SFRP1: variants seen among roughly 807,000 people sequenced by gnomAD.
SFRP1 encodes secreted frizzled-related protein 1.
SFRP1 carries 9 observed loss-of-function variants against 25.9 expected under a neutral mutation model. The observed-to-expected ratio is 0.35, with a 90% CI of 0.21 to 0.61. The LOEUF (loss-of-function observed/expected upper bound fraction) is 0.61, where lower values mean the gene tolerates loss of function less well. Ranked by LOEUF, SFRP1 falls within the 20% of genes least tolerant of loss-of-function variation. SFRP1 has a pLI of 0.78. For synonymous variants in SFRP1, 178 were observed against 174.0 expected (o/e 1.02, Z -0.18); for missense variants, 346 against 418.2 (o/e 0.83, Z 1.51).
At chr8:41,286,766 G>A (rs556123299) in intron 2 of SFRP1, among the ~76,000 whole-genome samples, 12 of 152,274 alleles carry the variant, frequency 7.9e-5, no homozygotes, top group East Asian at 5.8e-4. Context: ...GGATTCATAC[G>A]CTGCTGGTGA....
intron 2 of SFRP1, among the ~76,000 whole-genome samples, chr8:41,299,438 T>C (rs1346721990): frequency 6.8e-6 from 1 of 147,478 alleles, no homozygotes; most frequent in African/African-American, 2.5e-5. Context: ...GGGCATGTAG[T>C]TTTCCTTGAA....
chr8:41,267,479 G>T (rs1047923751), intron 2 of SFRP1, among the ~76,000 whole-genome samples: 1 of 152,144 alleles, frequency 6.6e-6, no homozygotes, highest in Non-Finnish European at 1.5e-5. Context: ...GATAATTTGC[G>T]TATCTTCTGA....
intron 2 of SFRP1, among the ~76,000 whole-genome samples, chr8:41,287,370 T>C (rs534909727): frequency 1.3e-5 from 2 of 152,330 alleles, no homozygotes; most frequent in East Asian, 1.9e-4. Context: ...TCGGCCACCA[T>C]GGCCGAAGCG....
chr8:41,295,730 G>A (rs1803836114), intron 2 of SFRP1, among the ~76,000 whole-genome samples: 2 of 149,616 alleles, frequency 1.3e-5, no homozygotes, highest in African/African-American at 4.9e-5. Flanking sequence ...AGACACTGGG[G>A]GAGTATCTGC....
chr8:41,270,086 C>A (rs919336974), intron 2 of SFRP1, among the ~76,000 whole-genome samples: 1 of 152,086 alleles, frequency 6.6e-6, no homozygotes, highest in Non-Finnish European at 1.5e-5. Flanking sequence ...TAGGGGGCCA[C>A]GCCAACCCAT....
At position 41,303,535 on chromosome 8, in the gene SFRP1, G is replaced by A. The variant is rs777718042; in HGVS notation, c.548C>T (p.Thr183Ile). The change falls in exon 2 of 3, where the codon ACA becomes ATA. Residue 183 changes from threonine to isoleucine, a missense_variant. Coordinates refer to ENST00000220772, the MANE Select transcript of SFRP1 (RefSeq NM_003012.5). ...NATEASKPQG[T>I]TVCPPCDNEL... ...GTTGTCACAGGGAGGACACACCGTT[G>A]TGCCTGGGAAAGGAAGTAGGGAGAA... is the stretch of plus-strand genomic sequence containing the variant. 3 of 1,613,284 alleles carry A rather than the reference G, an allele frequency of 1.9e-6. No homozygotes were observed. The highest frequency in any genetic ancestry group is 3.3e-5 in the Admixed American group (2 of 59,986).
chr8:41,264,968 C>T lies in SFRP1; in HGVS notation c.*199G>A, dbSNP rs980595754. ...CTAATCTAAATGGCCCTTGCTTTAC[C>T]CGGCCATGGCTACCCTGGGGTTTGG... On this transcript the variant is annotated 3_prime_UTR_variant, in exon 3 of 3. Transcript: ENST00000220772. 18 of 553,108 alleles carry T rather than the reference C, an allele frequency of 3.3e-5. No individual in the cohort carries two copies. Among genetic ancestry groups the T allele is most frequent in the Non-Finnish European group, 5.4e-5 (17 of 313,990 alleles). 34.3% of individuals were successfully genotyped at this position (553,108 alleles called of 1,614,324 possible).
chr8:41,306,723 T>C, intron 1 of SFRP1: 5 of 1,597,872 alleles, frequency 3.1e-6, no homozygotes, highest in Non-Finnish European at 4.2e-6. Flanking sequence ...GGTGACTACC[T>C]GAGCGCTGCT....
chr8:41,273,872 G>A (rs1803541380), intron 2 of SFRP1, among the ~76,000 whole-genome samples: 1 of 152,152 alleles, frequency 6.6e-6, no homozygotes, highest in Non-Finnish European at 1.5e-5. Flanking sequence ...AGACCTCAAT[G>A]TGGGCTGGCA....
chr8:41,270,673 T>C (rs1432861907), intron 2 of SFRP1, among the ~76,000 whole-genome samples: 5 of 151,956 alleles, frequency 3.3e-5, no homozygotes, highest in Admixed American at 2.0e-4. Context: ...GCAGTAGCCA[T>C]GGGCTTCATT....
At chr8:41,287,248 T>C (rs1211751340) in intron 2 of SFRP1, among the ~76,000 whole-genome samples, 1 of 152,162 alleles carries the variant, frequency 6.6e-6, no homozygotes, top group East Asian at 1.9e-4. Context: ...GAAGGGGTTA[T>C]ATAGGGAAGA....
At chr8:41,284,203 A>G (rs1299602500) in intron 2 of SFRP1, among the ~76,000 whole-genome samples, 1 of 152,208 alleles carries the variant, frequency 6.6e-6, no homozygotes, top group Non-Finnish European at 1.5e-5. Flanking sequence ...CTCAGATGGA[A>G]GAGGAGAAGG....
At position 41,265,112 on chromosome 8, in the gene SFRP1, T is replaced by TCCCCCCCCCCCCCC; in HGVS notation, c.*54_*55insGGGGGGGGGGGGGG. 1 of 517,774 alleles carries TCCCCCCCCCCCCCC rather than the reference T, an allele frequency of 1.9e-6. No homozygotes were observed. Among genetic ancestry groups the TCCCCCCCCCCCCCC allele is most frequent in the East Asian group, 3.6e-5 (1 of 28,056 alleles). The allele number at this position is 517,774 out of a possible 1,614,324, so 32.1% of individuals were successfully genotyped here. A position where few individuals can be genotyped will look rare whatever the true frequency, so the allele number is the denominator to read the frequency against. On this transcript the variant is annotated 3_prime_UTR_variant, in exon 3 of 3. Transcript: ENST00000220772. ...GACCCACCGGGTTCCCGGGGCACTG[T>TCCCCCCCCCCCCCC]CCCCCCCGCTCCCACCCCACCCGAG...
At chr8:41,297,380 T>A (rs1803856802) in intron 2 of SFRP1, among the ~76,000 whole-genome samples, 2 of 152,290 alleles carry the variant, frequency 1.3e-5, no homozygotes, top group Non-Finnish European at 1.5e-5. Context: ...ATGGGTTTTT[T>A]AAAAGACTTC....
intron 2 of SFRP1, among the ~76,000 whole-genome samples, chr8:41,291,123 C>T (rs566150390): frequency 2.1e-4 from 32 of 151,502 alleles, no homozygotes; most frequent in Admixed American, 5.9e-4. Context: ...TTAGCCAGGA[C>T]GGTCTCGATC....
At chr8:41,272,409 C>T (rs1460035403) in intron 2 of SFRP1, among the ~76,000 whole-genome samples, 4 of 152,116 alleles carry the variant, frequency 2.6e-5, no homozygotes, top group Admixed American at 1.3e-4. Flanking sequence ...GTCCAAGACC[C>T]GACCAGCCTG....
Position 41,265,122 on chromosome 8 carries a change from T to A in SFRP1, c.*45A>T. On this transcript the variant is annotated 3_prime_UTR_variant, in exon 3 of 3. Coordinates refer to ENST00000220772, the MANE Select transcript of SFRP1 (RefSeq NM_003012.5). The stretch of plus-strand genomic sequence containing the variant: ...GTTCCCGGGGCACTGTCCCCCCCGC[T>A]CCCACCCCACCCGAGGCTCCCTCCC... 9.4e-5 allele frequency: 18 copies of A among 191,080 alleles called. No individual in the cohort carries two copies. The highest frequency in any genetic ancestry group is 2.0e-4 in the East Asian group (2 of 10,162). The allele number at this position is 191,080 out of a possible 1,614,324, so 11.8% of individuals were successfully genotyped here. A position where few individuals can be genotyped will look rare whatever the true frequency, so the allele number is the denominator to read the frequency against.
chr8:41,276,100 C>T (rs1803569099), intron 2 of SFRP1, among the ~76,000 whole-genome samples: 1 of 152,254 alleles, frequency 6.6e-6, no homozygotes, highest in Non-Finnish European at 1.5e-5. Flanking sequence ...GGCCCACAGA[C>T]GGGCACCCCA....
intron 2 of SFRP1, among the ~76,000 whole-genome samples, chr8:41,284,514 A>G (rs146967988): frequency 3.9e-4 from 60 of 152,256 alleles, no homozygotes; most frequent in Non-Finnish European, 8.2e-4. Flanking sequence ...CAGTCTGGCA[A>G]TGGAGCTGCC....
Sources: gnomAD v4.1 joint callset for allele counts (sites outside exome capture counted in the v4.1 genomes callset) on GRCh38, gnomAD v4.1.1 for gene constraint, MANE v1.5 for transcripts, NCBI Gene and HGNC (gene_info 2026-07-23, HGNC 2026-07-21) for gene names.